Variants in NUP153 observed in about 807,000 individuals in gnomAD.
NUP153 encodes nucleoporin 153, also known as nuclear pore complex protein Nup153.
NUP153 carries 27 observed loss-of-function variants against 134.6 expected under a neutral mutation model. The ratio of observed to expected loss-of-function variants is 0.20; its 90% CI spans 0.15 to 0.28. NUP153 has a LOEUF of 0.28. Among genes scored for constraint, NUP153 ranks in the 10% least tolerant of loss-of-function variants. The probability of loss-of-function intolerance (pLI) is 1.00; values close to 1 mark genes in which losing one functional copy is unlikely to be tolerated. For synonymous variants in NUP153, 640 were observed against 623.5 expected (o/e 1.03, Z -0.40); for missense variants, 1,821 against 1,731.3 (o/e 1.05, Z -0.92).
rs777516463 is a variant in NUP153 at position 17,629,148 on chromosome 6, A to T, written c.3051T>A (p.Ser1017=). Reference sequence around the variant, plus strand: ...TACCAAAGCTAAAACCTGCAGAGGAAGATTTGGGCAGTTCCTCTTTCTTTT... The same window carrying T: ...TACCAAAGCTAAAACCTGCAGAGGATGATTTGGGCAGTTCCTCTTTCTTTT... The part of the protein sequence containing the change: ...QEEKKEELPK[S]SSAGFSFGTG... Residue 1017 remains serine, a synonymous_variant, in exon 18 of 22, where the codon TCT becomes TCA. Coordinates refer to ENST00000262077, the MANE Select transcript of NUP153 (RefSeq NM_005124.4). The T allele has an allele frequency of 9.9e-6, 16 of 1,613,052 alleles. No homozygotes were observed. The highest frequency in any genetic ancestry group is 1.4e-5 in the Non-Finnish European group (16 of 1,179,800).
chr6:17,646,416 C>T (rs1250979027), intron 13 of NUP153, among the ~76,000 whole-genome samples: 2 of 152,136 alleles, frequency 1.3e-5, no homozygotes, highest in East Asian at 1.9e-4. Context: ...CTGTGTTAGC[C>T]AGGATGGTCT....
chr6:17,624,911 A>C, intron 19 of NUP153, 78 bp from the exon 20 acceptor site: 5 of 1,379,836 alleles, frequency 3.6e-6, no homozygotes, highest in Non-Finnish European at 4.8e-6. Flanking sequence ...GTAAACCCAC[A>C]AGCAAATGTC....
chr6:17,639,850 AT>A, intron 15 of NUP153, 88 bp downstream of exon 15: 1 of 1,254,566 alleles, frequency 8.0e-7, no homozygotes. Context: ...CTAGTCAGAA[AT>A]TTTTAAAAGC....
intron 9 of NUP153, among the ~76,000 whole-genome samples, chr6:17,664,208 G>C (rs1191246664): frequency 2.6e-5 from 4 of 152,126 alleles, no homozygotes; most frequent in Non-Finnish European, 5.9e-5. Context: ...ACGGGTATGG[G>C]TATGAGATTT....
At chr6:17,677,900 T>G (rs1768322785) in intron 2 of NUP153, among the ~76,000 whole-genome samples, 1 of 152,086 alleles carries the variant, frequency 6.6e-6, no homozygotes, top group Non-Finnish European at 1.5e-5. Flanking sequence ...AGTCGTTAGG[T>G]ATTTTTCAAT....
At chr6:17,693,801 G>C (rs1426370073) in intron 1 of NUP153, among the ~76,000 whole-genome samples, 1 of 151,988 alleles carries the variant, frequency 6.6e-6, no homozygotes, top group Non-Finnish European at 1.5e-5. Context: ...CAGAAAAAAC[G>C]CTTGAACCCA....
intron 17 of NUP153, 112 bp from the exon 18 acceptor site, chr6:17,629,651 C>A: frequency 1.1e-6 from 1 of 879,938 alleles, no homozygotes; most frequent in South Asian, 2.0e-5. Context: ...AAAGGGCCTA[C>A]TTTGAAGAGT....
chr6:17,666,510 T>C (rs1340395928), intron 8 of NUP153, among the ~76,000 whole-genome samples: 2 of 151,982 alleles, frequency 1.3e-5, no homozygotes, highest in Non-Finnish European at 2.9e-5. Context: ...CAAGAGTCAG[T>C]CTCCCAAAAC....
chr6:17,660,488 T>A (rs1013681881), intron 11 of NUP153, among the ~76,000 whole-genome samples: 1 of 151,998 alleles, frequency 6.6e-6, no homozygotes, highest in Non-Finnish European at 1.5e-5. Flanking sequence ...CTTAAATCTG[T>A]CCCTATCTTT....
chr6:17,659,760 C>G (rs966307551), intron 11 of NUP153, among the ~76,000 whole-genome samples: 2 of 152,150 alleles, frequency 1.3e-5, no homozygotes, highest in African/African-American at 2.4e-5. Flanking sequence ...CATGAGCCAC[C>G]GTGCCCAGCC....
chr6:17,646,667 T>C (rs1407162547), intron 13 of NUP153, among the ~76,000 whole-genome samples: 1 of 152,160 alleles, frequency 6.6e-6, no homozygotes, highest in African/African-American at 2.4e-5. Context: ...CACTTTTTCT[T>C]TCAAAACAGT....
chr6:17,616,682 C>G lies in NUP153; in HGVS notation c.4188G>C (p.Gln1396His), dbSNP rs1764350420. 2 of 1,612,270 alleles carry G rather than the reference C, an allele frequency of 1.2e-6. No individual in the cohort carries two copies. Among genetic ancestry groups the G allele is most frequent in the South Asian group, 2.2e-5 (2 of 90,774 alleles). The change falls in exon 21 of 22, where the codon CAG becomes CAC. Residue 1396 changes from glutamine (Q) to histidine (H), a missense_variant. Physicochemically the swap from Gln to His is conservative, Grantham distance 24. Coordinates refer to ENST00000262077, the MANE Select transcript of NUP153 (RefSeq NM_005124.4). ...GTTPNSSSAF[Q>H]FGSSTTNFNF... is the part of the protein sequence containing the mutation. ...TGAAATTTGTAGTGCTGCTGCCAAA[C>G]TGGAAAGCCGAACCTGCAATAGTTA...
intron 1 of NUP153, among the ~76,000 whole-genome samples, chr6:17,699,181 T>C (rs1769875226): frequency 8.7e-6 from 1 of 114,844 alleles, no homozygotes; most frequent in African/African-American, 3.1e-5. Context: ...GCTAAATAGC[T>C]ACAAATAATT....
At chr6:17,679,271 C>A (rs1338450504) in intron 2 of NUP153, among the ~76,000 whole-genome samples, 1 of 151,986 alleles carries the variant, frequency 6.6e-6, no homozygotes, top group Non-Finnish European at 1.5e-5. Flanking sequence ...AGTAAGAAAA[C>A]AATTTCATTT....
chr6:17,703,625 A>G (rs538441497), intron 1 of NUP153, among the ~76,000 whole-genome samples: 1 of 151,710 alleles, frequency 6.6e-6, no homozygotes, highest in East Asian at 1.9e-4. Context: ...AGCCTCAATA[A>G]GGACTAAAGA....
At chr6:17,682,925 G>GA (rs58196936) in intron 2 of NUP153, among the ~76,000 whole-genome samples, 28,655 of 123,654 alleles carry the variant, frequency 0.23, 3,787 homozygotes, top group Non-Finnish European at 0.3. Context: ...CAAAAAAGAA[G>GA]AAAAAAAAAA....
chr6:17,686,540 C>T (rs1358869127), intron 2 of NUP153, among the ~76,000 whole-genome samples: 2 of 151,816 alleles, frequency 1.3e-5, no homozygotes, highest in Non-Finnish European at 2.9e-5. Context: ...GGACTACAGG[C>T]ATGTGCCACC....
At chr6:17,644,311 A>G (rs1013419035) in intron 14 of NUP153, among the ~76,000 whole-genome samples, 1 of 152,176 alleles carries the variant, frequency 6.6e-6, no homozygotes, top group African/African-American at 2.4e-5. Context: ...ATGCCACTCC[A>G]ACCCACACTA....
rs1230783984 is a variant in NUP153, at chr6:17,706,113, T to A, written c.111+164A>T. 1 of 625,768 alleles carries A rather than the reference T, an allele frequency of 1.6e-6. No homozygotes were observed. The highest frequency in any genetic ancestry group is 1.9e-5 in the African/African-American group (1 of 53,098). 38.8% of individuals were successfully genotyped at this position (625,768 alleles called of 1,614,324 possible). Reference sequence around the variant, plus strand: ...AAGGCTGGGCCTGTCTCAGCCCACTTCCCGTCGCCACCCCCAACGGCCTGA... The same window carrying A: ...AAGGCTGGGCCTGTCTCAGCCCACTACCCGTCGCCACCCCCAACGGCCTGA... On this transcript the variant is annotated intron_variant, in intron 1 of 21. Transcript: ENST00000262077. This position sits in a 1 kb window ranked among gnomAD's most constrained non-coding sequence, Gnocchi z 5.9.
Sources: allele counts gnomAD v4.1 joint callset (sites outside exome capture counted in the v4.1 genomes callset), GRCh38; gene constraint gnomAD v4.1.1; non-coding constraint Gnocchi (gnomAD v3.1); transcripts MANE v1.5; gene names NCBI Gene and HGNC (gene_info 2026-07-23, HGNC 2026-07-21).